Variants in COQ5 observed in about 807,000 individuals in gnomAD.
COQ5 encodes the protein coenzyme Q5, methyltransferase.
Under a neutral mutation model 40.5 loss-of-function variants are expected in COQ5, and 27 were observed. The ratio of observed to expected loss-of-function variants is 0.67; its 90% CI spans 0.49 to 0.92. The LOEUF (loss-of-function observed/expected upper bound fraction) is 0.92, where lower values mean the gene tolerates loss of function less well. Ranked by LOEUF, COQ5 falls within the 40% of genes least tolerant of loss-of-function variation. The pLI, the probability that COQ5 is intolerant of heterozygous loss-of-function variation, is 0.00. For synonymous variants in COQ5, 141 were observed against 150.0 expected, an observed-to-expected ratio of 0.94 and a Z score of 0.44; for missense variants, 409 against 406.4, an observed-to-expected ratio of 1.01 and a Z score of -0.06.
At chr12:120,528,502 T>C (rs144541458) in intron 1 of COQ5, among the ~76,000 whole-genome samples, 94 of 152,246 alleles carry the variant, frequency 6.2e-4, no homozygotes, top group African/African-American at 2.0e-3. Flanking sequence ...TAGTCATCAG[T>C]ATTCTGCTTT....
At chr12:120,522,920 A>G in intron 1 of COQ5, 1 of 689,096 alleles carries the variant, frequency 1.5e-6, no homozygotes, top group South Asian at 1.7e-5. Flanking sequence ...CAGCACGTGC[A>G]CTCGTGGCCC....
At chr12:120,508,895 C>G (rs1184616819) in intron 4 of COQ5, among the ~76,000 whole-genome samples, 1 of 151,968 alleles carries the variant, frequency 6.6e-6, no homozygotes, top group South Asian at 2.1e-4. Context: ...CGTGGTGGCA[C>G]ACGCCTGTAG....
chr12:120,517,499 T>C (rs1869433481), intron 2 of COQ5, among the ~76,000 whole-genome samples: 1 of 140,664 alleles, frequency 7.1e-6, no homozygotes, highest in South Asian at 2.3e-4. Flanking sequence ...TGAAACCCCG[T>C]CTCTACTAAA....
intron 1 of COQ5, among the ~76,000 whole-genome samples, chr12:120,524,975 C>T (rs1245812190): frequency 2.0e-5 from 3 of 151,926 alleles, no homozygotes; most frequent in Admixed American, 6.6e-5. Flanking sequence ...CCATGCCCAG[C>T]TAATCTGTTG....
At chr12:120,523,268 T>C (rs1475646273) in intron 1 of COQ5, 4 of 198,040 alleles carry the variant, frequency 2.0e-5, no homozygotes, top group South Asian at 9.0e-5. Flanking sequence ...ACCTGGGAGG[T>C]GGAGCTTGCA....
At chr12:120,512,962 T>A (rs1485133318) in intron 3 of COQ5, among the ~76,000 whole-genome samples, 1 of 147,752 alleles carries the variant, frequency 6.8e-6, no homozygotes, top group Non-Finnish European at 1.5e-5. Flanking sequence ...CCTGCCTGAT[T>A]TTTTTTTTTG....
chr12:120,515,476 C>G (rs1351181431), intron 3 of COQ5, among the ~76,000 whole-genome samples: 1 of 152,330 alleles, frequency 6.6e-6, no homozygotes, highest in Admixed American at 6.5e-5. Context: ...ATCTGCCTAT[C>G]TGCTGTTCGT....
chr12:120,522,513 C>T (rs1284209843), intron 1 of COQ5, 150 bp from the exon 2 acceptor site: 2 of 731,902 alleles, frequency 2.7e-6, no homozygotes, highest in African/African-American at 1.8e-5. Flanking sequence ...AAATCTACAC[C>T]TTAACATTAC....
At chr12:120,527,988 C>CAAAAAAAAAAAAAAAAAAAAAA (rs55830211) in intron 1 of COQ5, among the ~76,000 whole-genome samples, 2 of 23,032 alleles carry the variant, frequency 8.7e-5, no homozygotes, top group Non-Finnish European at 8.1e-5. Flanking sequence ...GACTCAGTCT[C>CAAAAAAAAAAAAAAAAAAAAAA]AAAAAAAAAA....
chr12:120,520,890 T>C (rs566563656), intron 2 of COQ5, among the ~76,000 whole-genome samples: 121 of 151,680 alleles, frequency 8.0e-4, no homozygotes, highest in African/African-American at 2.8e-3. Flanking sequence ...TTTGATGTGA[T>C]AGCAAATCAA....
intron 4 of COQ5, among the ~76,000 whole-genome samples, chr12:120,507,803 C>T (rs1191002177): frequency 6.7e-6 from 1 of 148,308 alleles, no homozygotes; most frequent in Non-Finnish European, 1.5e-5. Context: ...AGAAGAATCA[C>T]TTGAACCCAG....
chr12:120,513,666 C>T (rs1358917849), intron 3 of COQ5, among the ~76,000 whole-genome samples: 4 of 151,176 alleles, frequency 2.6e-5, no homozygotes, highest in African/African-American at 4.9e-5. Flanking sequence ...ATTACAGGCG[C>T]GCACCACCAC....
chr12:120,511,603 C>G (rs1344617705), intron 3 of COQ5, among the ~76,000 whole-genome samples: 1 of 151,942 alleles, frequency 6.6e-6, no homozygotes, highest in Admixed American at 6.6e-5. Context: ...CTGGGTAACA[C>G]AGCAAGACCA....
chr12:120,527,085 T>C (rs1160143348), intron 1 of COQ5: 1 of 150,340 alleles, frequency 6.7e-6, no homozygotes, highest in African/African-American at 2.5e-5. Context: ...TTTATTAGAA[T>C]TTTTTTTCTT....
chr12:120,528,697 G>C (rs1185581587), intron 1 of COQ5, among the ~76,000 whole-genome samples: 2 of 151,460 alleles, frequency 1.3e-5, no homozygotes, highest in Admixed American at 6.6e-5. Flanking sequence ...CCAGCTACTC[G>C]GGAAGCTGAG....
chr12:120,519,762 T>G (rs943563876), intron 2 of COQ5, among the ~76,000 whole-genome samples: 9 of 150,850 alleles, frequency 6.0e-5, no homozygotes, highest in Non-Finnish European at 1.2e-4. Context: ...CCCAGCTACT[T>G]AGGAGGCCGA....
chr12:120,522,540 T>C (rs1465640423), intron 1 of COQ5, 177 bp from the exon 2 acceptor site: 1 of 661,540 alleles, frequency 1.5e-6, no homozygotes, highest in African/African-American at 1.8e-5. Context: ...ATTGATTTAT[T>C]TTTTTTTCCT....
At chr12:120,507,818 C>T (rs1352521475) in intron 4 of COQ5, among the ~76,000 whole-genome samples, 6 of 147,634 alleles carry the variant, frequency 4.1e-5, no homozygotes, top group Admixed American at 1.3e-4. Context: ...ACCCAGGAGG[C>T]GGAGGTTTCA....
rs751282401 is a variant in COQ5, at chr12:120,522,287, A to G, written c.279T>C (p.Val93=). 25 of 1,613,922 alleles carry G rather than the reference A, an allele frequency of 1.5e-5. No individual in the cohort carries two copies. The highest frequency in any genetic ancestry group is 2.1e-5 in the Non-Finnish European group (25 of 1,179,920). The change falls in exon 2 of 7, where the codon GTT becomes GTC. Residue 93 remains valine, a synonymous_variant. Coordinates refer to ENST00000288532, the MANE Select transcript of COQ5 (RefSeq NM_032314.4). ...NDMMSLGIHR[V]WKDLLLWKMH... The stretch of plus-strand genomic sequence containing the variant: ...TCTTCCAGAGCAGCAAATCCTTCCA[A>G]ACACGATGGATACCAAGACTCATCA...
Sources: allele counts gnomAD v4.1 joint callset (sites outside exome capture counted in the v4.1 genomes callset), GRCh38; gene constraint gnomAD v4.1.1; transcripts MANE v1.5; gene names NCBI Gene and HGNC (gene_info 2026-07-23, HGNC 2026-07-21).